The following SPOCK3 variants were observed in gnomAD, a reference collection of about 807,000 sequenced individuals.
SPOCK3 encodes the protein testican-3.
SPOCK3 carries 30 observed loss-of-function variants against 56.6 expected under a neutral mutation model. The ratio of observed to expected loss-of-function variants is 0.53; its 90% CI spans 0.40 to 0.72. The LOEUF is 0.72. Among genes scored for constraint, SPOCK3 ranks in the 30% least tolerant of loss-of-function variants. The probability of loss-of-function intolerance (pLI) is 0.00; values close to 1 mark genes in which losing one functional copy is unlikely to be tolerated. For synonymous variants in SPOCK3, 196 were observed against 183.3 expected (o/e 1.07, Z -0.56); for missense variants, 527 against 530.0 (o/e 0.99, Z 0.06).
chr4:166,794,210 C>CAAAAAAAAAAAAAA (rs10710162), intron 6 of SPOCK3, among the ~76,000 whole-genome samples: 1 of 73,626 alleles, frequency 1.4e-5, no homozygotes, highest in Non-Finnish European at 2.5e-5. Context: ...GGTGATAAGG[C>CAAAAAAAAAAAAAA]AAAAAAAAAA....
chr4:166,971,664 A>T (rs889678128), intron 4 of SPOCK3, among the ~76,000 whole-genome samples: 2 of 152,138 alleles, frequency 1.3e-5, no homozygotes, highest in African/African-American at 2.4e-5. Context: ...AAACCAAAAC[A>T]CTAACTGCTT....
chr4:167,180,912 T>C (rs571085655), intron 2 of SPOCK3, among the ~76,000 whole-genome samples: 6 of 152,314 alleles, frequency 3.9e-5, no homozygotes, highest in African/African-American at 1.4e-4. Context: ...TTTAAAAATA[T>C]AGAAGTCATT....
chr4:166,811,674 G>A (rs1180816606), intron 6 of SPOCK3, among the ~76,000 whole-genome samples: 1 of 151,766 alleles, frequency 6.6e-6, no homozygotes, highest in Non-Finnish European at 1.5e-5. Context: ...AATATGGAGT[G>A]TAGTCCTAAC....
At chr4:166,903,871 G>A (rs1736330119) in intron 5 of SPOCK3, among the ~76,000 whole-genome samples, 2 of 151,968 alleles carry the variant, frequency 1.3e-5, no homozygotes, top group South Asian at 4.2e-4. Context: ...GTGATTGTGG[G>A]AAGAATATAA....
At chr4:166,888,387 T>G (rs1734422808) in intron 6 of SPOCK3, among the ~76,000 whole-genome samples, 1 of 152,070 alleles carries the variant, frequency 6.6e-6, no homozygotes, top group Admixed American at 6.6e-5. Context: ...TGCTGTAAAA[T>G]ATTTTTTGAC....
chr4:166,795,567 C>T (rs1560866228), intron 6 of SPOCK3, among the ~76,000 whole-genome samples: 1 of 151,914 alleles, frequency 6.6e-6, no homozygotes, highest in South Asian at 2.1e-4. Context: ...TTATCTGAAA[C>T]CATTGGCCAA....
chr4:167,227,653 A>G (rs1736726096), intron 2 of SPOCK3, among the ~76,000 whole-genome samples: 1 of 152,186 alleles, frequency 6.6e-6, no homozygotes, highest in Admixed American at 6.5e-5. Flanking sequence ...AAATGAAAAA[A>G]GACATATAAA....
intron 8 of SPOCK3, among the ~76,000 whole-genome samples, chr4:166,743,760 T>C (rs1157745017): frequency 2.0e-5 from 3 of 152,192 alleles, no homozygotes; most frequent in Admixed American, 1.3e-4. Context: ...TGCCCTGATA[T>C]TGCACTTTTA....
At chr4:167,096,731 G>C (rs1008970172) in intron 2 of SPOCK3, among the ~76,000 whole-genome samples, 1 of 151,750 alleles carries the variant, frequency 6.6e-6, no homozygotes, top group Admixed American at 6.6e-5. Flanking sequence ...GTGTTTTTTT[G>C]CTGTTCCTTG....
intron 8 of SPOCK3, among the ~76,000 whole-genome samples, chr4:166,752,417 G>T (rs72695601): frequency 0.043 from 6,519 of 152,026 alleles, 197 homozygotes; most frequent in Non-Finnish European, 0.055. Flanking sequence ...TTTTCCAGTT[G>T]TTTTTCCACA....
chr4:166,814,490 G>A lies in SPOCK3; in HGVS notation c.590-22201C>T, dbSNP rs147682990. On this transcript the variant is annotated intron_variant, in intron 6 of 10. Coordinates refer to ENST00000357545, the MANE Select transcript of SPOCK3 (RefSeq NM_001040159.2). ...TGCCAGCTCTGCTAGAACAAAGCAG[G>A]TAGGAAAAGGTGGGATAAGCTGGCT... 3.3e-5 allele frequency among the ~76,000 whole-genome samples: 5 copies of A among 152,194 alleles called. No homozygotes were observed. In the East Asian group the frequency reaches 9.7e-4, roughly 30 times the overall value.
intron 2 of SPOCK3, among the ~76,000 whole-genome samples, chr4:167,199,007 A>G (rs1733240866): frequency 6.6e-6 from 1 of 152,104 alleles, no homozygotes. Context: ...ATTGGCCATA[A>G]GTATATTTTT....
At chr4:166,851,709 C>G (rs1579424494) in intron 6 of SPOCK3, among the ~76,000 whole-genome samples, 1 of 151,986 alleles carries the variant, frequency 6.6e-6, no homozygotes, top group African/African-American at 2.4e-5. Context: ...GGACTGTAAA[C>G]TAGTTCAACC....
chr4:166,927,816 T>A (rs139553071), intron 4 of SPOCK3, among the ~76,000 whole-genome samples: 29 of 152,156 alleles, frequency 1.9e-4, no homozygotes, highest in Middle Eastern at 3.4e-3. Context: ...GGGGAAAATA[T>A]TTGCCAAAGA....
At chr4:166,949,865 C>G in intron 4 of SPOCK3, among the ~76,000 whole-genome samples, 1 of 151,904 alleles carries the variant, frequency 6.6e-6, no homozygotes, top group Admixed American at 6.5e-5. Flanking sequence ...AAATAAAATA[C>G]TTTACAGACA....
Position 166,883,755 on chromosome 4 carries a change from C to A in SPOCK3, c.589+5375G>T, listed in dbSNP as rs138450678. Among the ~76,000 whole-genome samples, 5 of 152,276 alleles carry A rather than the reference C, an allele frequency of 3.3e-5. No individual in the cohort carries two copies. The East Asian group carries it at 7.7e-4, about 23-fold the overall frequency. On this transcript the variant is annotated intron_variant, in intron 6 of 10. Transcript: ENST00000357545. Reference sequence around the variant, plus strand: ...AACAGCATATGAATCATTAAAACTGCTTTCTTTTAACAGTGCCTAATTTGC... The same window carrying A: ...AACAGCATATGAATCATTAAAACTGATTTCTTTTAACAGTGCCTAATTTGC...
intron 2 of SPOCK3, among the ~76,000 whole-genome samples, chr4:167,161,276 G>A (rs1285890566): frequency 6.6e-6 from 1 of 152,056 alleles, no homozygotes. Context: ...GCAGCCAAAA[G>A]ACACATGAGA....
chr4:167,030,891 T>G (rs747189851), intron 3 of SPOCK3, among the ~76,000 whole-genome samples: 1 of 152,184 alleles, frequency 6.6e-6, no homozygotes, highest in South Asian at 2.1e-4. Flanking sequence ...CTCTTTATGA[T>G]GTCAGACTGA....
chr4:167,213,815 C>T (rs1735107249), intron 2 of SPOCK3, among the ~76,000 whole-genome samples: 1 of 150,760 alleles, frequency 6.6e-6, no homozygotes, highest in South Asian at 2.1e-4. Context: ...CAAAAGAGCA[C>T]AAAATATATA....
Sources: allele counts gnomAD v4.1 joint callset (sites outside exome capture counted in the v4.1 genomes callset), GRCh38; gene constraint gnomAD v4.1.1; transcripts MANE v1.5; gene names NCBI Gene and HGNC (gene_info 2026-07-23, HGNC 2026-07-21).